Variants in HORMAD2 observed in about 807,000 individuals in gnomAD.
HORMAD2 encodes HORMA domain-containing protein 2.
Under a neutral mutation model 38.8 loss-of-function variants are expected in HORMAD2, and 45 were observed. That is an observed-to-expected ratio of 1.16 (90% CI 0.91 to 1.49). The LOEUF (loss-of-function observed/expected upper bound fraction) is 1.49. HORMAD2 is among the 40% of genes most tolerant of loss of function. HORMAD2 has a pLI of 0.00. For missense variants in HORMAD2, 338 were observed against 367.0 expected (o/e 0.92, Z 0.65); for synonymous variants, 126 against 122.8 (o/e 1.03, Z -0.17).
intron 2 of HORMAD2, among the ~76,000 whole-genome samples, chr22:30,096,859 ATT>A (rs752160040): frequency 7.9e-5 from 12 of 151,994 alleles, no homozygotes; most frequent in Non-Finnish European, 1.5e-4. Context: ...TTTATTGTCT[ATT>A]TTCACACAAG....
chr22:30,115,363 C>A (rs1348331330), intron 7 of HORMAD2, among the ~76,000 whole-genome samples: 1 of 152,192 alleles, frequency 6.6e-6, no homozygotes, highest in East Asian at 1.9e-4. Context: ...TTGCCTCAGC[C>A]TCCCAAAATG....
At chr22:30,123,163 T>C (rs4823075) in intron 10 of HORMAD2, among the ~76,000 whole-genome samples, 83,098 of 151,986 alleles carry the variant, frequency 0.55, 23,627 homozygotes, top group African/African-American at 0.69. Flanking sequence ...ACCAAACAAG[T>C]AACAGATTGT....
rs533580189 is a variant in HORMAD2, at chr22:30,156,040, A to G, written c.820-20023A>G. Among the ~76,000 whole-genome samples the G allele has an allele frequency of 8.5e-5, 13 of 152,264 alleles. No homozygotes were observed. In the South Asian group the frequency reaches 2.7e-3, roughly 32 times the overall value. The stretch of plus-strand genomic sequence containing the variant: ...ACCCTGCTCAGGCTCCAACTCTGGC[A>G]TTCCCACTGTGGGTCACCCACACTT... On this transcript the variant is annotated intron_variant, in intron 10 of 10. Transcript: ENST00000336726.
At chr22:30,184,763 C>G in the HORMAD2 span, 1 of 152,072 alleles carries the variant, frequency 6.6e-6, no homozygotes, top group Non-Finnish European at 1.5e-5. Flanking sequence ...ACAGTATGGT[C>G]CATTTTCACA....
At chr22:30,163,962 C>T (rs535621146) in intron 10 of HORMAD2, among the ~76,000 whole-genome samples, 11 of 152,136 alleles carry the variant, frequency 7.2e-5, no homozygotes, top group Non-Finnish European at 1.6e-4. Flanking sequence ...ATCTCCCTCT[C>T]CCCATAGTCC....
chr22:30,121,397 T>C (rs1922417146), intron 8 of HORMAD2, among the ~76,000 whole-genome samples: 1 of 152,210 alleles, frequency 6.6e-6, no homozygotes, highest in African/African-American at 2.4e-5. Flanking sequence ...TTTTTTCAAA[T>C]CAAATTTTTA....
At chr22:30,175,698 A>C (rs1926413071) in intron 10 of HORMAD2, among the ~76,000 whole-genome samples, 1 of 152,110 alleles carries the variant, frequency 6.6e-6, no homozygotes, top group Non-Finnish European at 1.5e-5. Flanking sequence ...TTGGGACTTA[A>C]ATTACATTTG....
chr22:30,187,719 A>G, the HORMAD2 span, among the ~76,000 whole-genome samples: 2 of 152,120 alleles, frequency 1.3e-5, no homozygotes, highest in African/African-American at 2.4e-5. Flanking sequence ...TAGCAGATGC[A>G]TTTTTTCCCC....
intron 1 of HORMAD2, among the ~76,000 whole-genome samples, chr22:30,083,658 C>T (rs1217284931): frequency 6.6e-6 from 1 of 152,094 alleles, no homozygotes; most frequent in Non-Finnish European, 1.5e-5. Context: ...TCTTGTTGCC[C>T]AGGCTGGAGT....
the HORMAD2 span, among the ~76,000 whole-genome samples, chr22:30,196,234 C>T: frequency 1.3e-5 from 2 of 152,178 alleles, no homozygotes; most frequent in Non-Finnish European, 2.9e-5. Flanking sequence ...ACCTATAACC[C>T]CTGGTTTCAG....
chr22:30,085,651 C>T (rs935942302), intron 1 of HORMAD2, among the ~76,000 whole-genome samples: 17 of 151,926 alleles, frequency 1.1e-4, no homozygotes, highest in Non-Finnish European at 1.8e-4. Flanking sequence ...CTACTCAGGA[C>T]GCTGAGGCAG....
chr22:30,180,948 T>C (rs1353399232), downstream of HORMAD2, among the ~76,000 whole-genome samples: 8 of 96,084 alleles, frequency 8.3e-5, no homozygotes, highest in Non-Finnish European at 2.0e-5. Flanking sequence ...TCTCCTCTCC[T>C]CTCCTCTCCT....
intron 10 of HORMAD2, among the ~76,000 whole-genome samples, chr22:30,174,714 T>C (rs1363074743): frequency 6.6e-6 from 1 of 152,198 alleles, no homozygotes; most frequent in East Asian, 1.9e-4. Context: ...TAGTTTGGTT[T>C]GAATGGAAAG....
intron 10 of HORMAD2, among the ~76,000 whole-genome samples, chr22:30,132,385 C>T (rs1443381824): frequency 6.6e-6 from 1 of 152,052 alleles, no homozygotes; most frequent in Non-Finnish European, 1.5e-5. Flanking sequence ...AGTACAAGAC[C>T]AGCCTGGCCA....
rs748590266 is a variant in HORMAD2 at position 30,119,017 on chromosome 22, C to T, written c.380C>T (p.Thr127Met). The change falls in exon 8 of 11, where the codon ACG becomes ATG. Residue 127 changes from threonine to methionine, a missense_variant. Thr to Met is a moderately conservative substitution (Grantham distance 81, BLOSUM62 -1). Transcript: ENST00000336726. ...TEMYQFKFKY[T>M]KEGATMDFDS... ...ATGTACCAGTTCAAATTCAAATACACGAAAGAAGGAGCCACTATGGATTTT... is the reference window on the plus strand; with the variant it reads ...ATGTACCAGTTCAAATTCAAATACATGAAAGAAGGAGCCACTATGGATTTT... 2.9e-5 allele frequency: 46 copies of T among 1,589,602 alleles called. No homozygotes were observed. The highest frequency in any genetic ancestry group is 6.8e-5 in the East Asian group (3 of 44,402).
intron 10 of HORMAD2, among the ~76,000 whole-genome samples, chr22:30,164,374 T>C (rs1034338624): frequency 1.3e-5 from 2 of 152,186 alleles, no homozygotes; most frequent in Non-Finnish European, 2.9e-5. Flanking sequence ...AGAACTGCCC[T>C]ACTATTTTCC....
rs1056144701 is a variant in HORMAD2, at chr22:30,103,934, A to G, written c.257+434A>G. Reference sequence around the variant, plus strand: ...CTTGGCCCCCCAAAGTGCTGGGACTACAGGTGTGAGCCACTGCCCTGACCT... The same window carrying G: ...CTTGGCCCCCCAAAGTGCTGGGACTGCAGGTGTGAGCCACTGCCCTGACCT... On this transcript the variant is annotated intron_variant, in intron 4 of 10. Coordinates refer to ENST00000336726, the MANE Select transcript of HORMAD2 (RefSeq NM_152510.4). Among the ~76,000 whole-genome samples the G allele has an allele frequency of 6.6e-5, 10 of 151,584 alleles. 1 individual carries two copies. Among genetic ancestry groups the G allele is most frequent in the Admixed American group, 6.6e-4 (10 of 15,188 alleles).
intron 7 of HORMAD2, among the ~76,000 whole-genome samples, chr22:30,112,807 A>G (rs1225809105): frequency 6.6e-6 from 1 of 152,118 alleles, no homozygotes; most frequent in Non-Finnish European, 1.5e-5. Flanking sequence ...GTATAAAACC[A>G]CATTTTTTTC....
chr22:30,122,458 A>G (rs1490918510), intron 10 of HORMAD2, among the ~76,000 whole-genome samples: 1 of 152,240 alleles, frequency 6.6e-6, no homozygotes, highest in East Asian at 1.9e-4. Flanking sequence ...TTTATTAAAG[A>G]TATCATAAAT....
Sources: allele counts gnomAD v4.1 joint callset (sites outside exome capture counted in the v4.1 genomes callset), GRCh38; gene constraint gnomAD v4.1.1; transcripts MANE v1.5; gene names NCBI Gene and HGNC (gene_info 2026-07-23, HGNC 2026-07-21).